B4GALT3: variants seen among roughly 807,000 people sequenced by gnomAD.
B4GALT3 encodes the protein N-acetyllactosamine synthase.
B4GALT3 carries 29 observed loss-of-function variants against 40.7 expected under a neutral mutation model. The observed-to-expected ratio is 0.71, with a 90% CI of 0.53 to 0.97. B4GALT3 has a LOEUF of 0.97. Among genes scored for constraint, B4GALT3 ranks in the 50% least tolerant of loss-of-function variants. The pLI, the probability that B4GALT3 is intolerant of heterozygous loss-of-function variation, is 0.00. For synonymous variants in B4GALT3, 182 were observed against 203.9 expected (o/e 0.89, Z 0.92); for missense variants, 390 against 522.3 (o/e 0.75, Z 2.47).
intron 1 of B4GALT3, chr1:161,176,995 G>A: frequency 3.3e-6 from 5 of 1,536,088 alleles, no homozygotes; most frequent in Non-Finnish European, 4.4e-6. Flanking sequence ...GTGACCACCT[G>A]GGGGCTGTAA....
Position 161,175,079 on chromosome 1 carries a change from C to T in B4GALT3, c.403G>A (p.Glu135Lys). The T allele has an allele frequency of 6.2e-7, 1 of 1,614,016 alleles. No individual in the cohort carries two copies. The highest frequency in any genetic ancestry group is 1.3e-5 in the African/African-American group (1 of 75,016). The change falls in exon 4 of 8, where the codon GAG becomes AAG. Residue 135 changes from glutamate (E) to lysine (K), a missense_variant. Physicochemically the swap from Glu to Lys is moderately conservative, Grantham distance 56. This residue lies in a region of B4GALT3 where 183 missense variants were observed against 223.2 expected (regional missense o/e 0.82). Coordinates refer to ENST00000319769, the MANE Select transcript of B4GALT3 (RefSeq NM_003779.4). ...TAIIVPHRAR[E>K]HHLRLLLYHL... The stretch of plus-strand genomic sequence containing the variant: ...TAGAGCAGCAGGCGCAGGTGGTGCT[C>T]CCGGGCACGATGAGGCACAATGATG...
intron 6 of B4GALT3, among the ~76,000 whole-genome samples, chr1:161,172,637 G>A (rs1173177257): frequency 1.3e-5 from 2 of 152,132 alleles, no homozygotes; most frequent in African/African-American, 4.8e-5. Context: ...GCAGAGAGAG[G>A]CCATTCTGTC....
chr1:161,176,651 T>TC, intron 1 of B4GALT3, 72 bp from the exon 2 acceptor site: 1 of 589,290 alleles, frequency 1.7e-6, no homozygotes, highest in Non-Finnish European at 3.0e-6. Flanking sequence ...GAAGCTGGTT[T>TC]CCCAGCAGGC....
chr1:161,176,125 G>GC, intron 2 of B4GALT3, 51 bp from the exon 3 acceptor site: 1 of 1,590,268 alleles, frequency 6.3e-7, no homozygotes, highest in South Asian at 1.1e-5. Context: ...GAGCAAGCCA[G>GC]CAGAGAGGTC....
chr1:161,173,721 C>A lies in B4GALT3; in HGVS notation c.687G>T (p.Pro229=). 6.2e-7 allele frequency: 1 copy of A among 1,614,086 alleles called. No individual in the cohort carries two copies. Among genetic ancestry groups the A allele is most frequent in the South Asian group, 1.1e-5 (1 of 91,080 alleles). The stretch of plus-strand genomic sequence containing the variant: ...AGACTCCTCCGAAGTACTGGGGGTA[C>A]GGGAGGCTAGGGAGAGAAAGATCCT... ...VAMNKFGYSL[P]YPQYFGGVSA... is the part of the protein sequence containing the mutation. Residue 229 remains proline, a synonymous_variant, in exon 6 of 8, where the codon CCG becomes CCT. Coordinates refer to ENST00000319769, the MANE Select transcript of B4GALT3 (RefSeq NM_003779.4).
rs112783273 is a variant in B4GALT3 at position 161,176,952 on chromosome 1, T to C, written c.-160-373A>G. On this transcript the variant is annotated intron_variant, in intron 1 of 7. Transcript: ENST00000319769. ...AAACAGGCTCCTTCTATTCTTCATG[T>C]GCCTGGGTGCCAACTCCTCAGGTGC... The C allele has an allele frequency of 3.3e-3, 5,069 of 1,536,122 alleles. 117 individuals carry two copies. The African/African-American group carries it at 0.056, about 17-fold the overall frequency.
intron 6 of B4GALT3, among the ~76,000 whole-genome samples, chr1:161,172,778 A>G (rs140312917): frequency 6.6e-6 from 1 of 151,958 alleles, no homozygotes; most frequent in Non-Finnish European, 1.5e-5. Flanking sequence ...CTGCAATCCT[A>G]GCACTTTTGG....
intron 7 of B4GALT3, 58 bp from the exon 8 acceptor site, chr1:161,172,147 C>A: frequency 6.2e-7 from 1 of 1,611,896 alleles, no homozygotes; most frequent in Non-Finnish European, 8.5e-7. Context: ...AATCTAGGGA[C>A]CTTTAGGATT....
chr1:161,174,694 T>C (rs1004236529), intron 4 of B4GALT3, among the ~76,000 whole-genome samples: 1 of 152,220 alleles, frequency 6.6e-6, no homozygotes, highest in African/African-American at 2.4e-5. Flanking sequence ...GAGTCATACA[T>C]GTAACAAGTG....
chr1:161,176,179 G>A, intron 2 of B4GALT3, 105 bp from the exon 3 acceptor site: 3 of 1,300,610 alleles, frequency 2.3e-6, no homozygotes, highest in East Asian at 2.4e-5. Flanking sequence ...AGAGGAAAAA[G>A]CAGAAAACAA....
chr1:161,177,286 GC>G (rs1663983131), intron 1 of B4GALT3, 136 bp downstream of exon 1: 5 of 576,754 alleles, frequency 8.7e-6, no homozygotes, highest in South Asian at 6.3e-5. Context: ...AGCCCGCCCG[GC>G]CCCCGTCCAT....
chr1:161,177,935 G>A (rs1191216544), upstream of B4GALT3: 1 of 152,204 alleles, frequency 6.6e-6, no homozygotes. Flanking sequence ...GACCGCTCTA[G>A]CGCATTTTTG....
Position 161,173,532 on chromosome 1 carries a change from A to G in B4GALT3, c.803+73T>C, listed in dbSNP as rs1439313623. 17 of 1,604,140 alleles carry G rather than the reference A, an allele frequency of 1.1e-5. 1 individual carries two copies. Among genetic ancestry groups the G allele is most frequent in the Admixed American group, 6.7e-5 (4 of 59,890 alleles). On this transcript the variant is annotated intron_variant, in intron 6 of 7. Transcript: ENST00000319769. The stretch of plus-strand genomic sequence containing the variant: ...AGCTAAAGGTTAGTGTTGAAGGGCT[A>G]TGGTCAAAGGTGGTCTTAGAGGACA...
intron 3 of B4GALT3, 83 bp downstream of exon 3, chr1:161,175,725 C>T: frequency 6.4e-7 from 1 of 1,555,906 alleles, no homozygotes; most frequent in Non-Finnish European, 8.7e-7. Flanking sequence ...TCCACTTCTG[C>T]CACTCCATGC....
Position 161,175,801 on chromosome 1 carries a change from C to T in B4GALT3, c.253+7G>A. Reference sequence around the variant, plus strand: ...TCCTTTCACCACCTCCTTCCTCCTGCACTTACCTAAGAGAGGAGATCGTTC... The same window carrying T: ...TCCTTTCACCACCTCCTTCCTCCTGTACTTACCTAAGAGAGGAGATCGTTC... On this transcript the variant is annotated splice_region_variant and intron_variant, in intron 3 of 7. Transcript: ENST00000319769. The T allele has an allele frequency of 6.2e-7, 1 of 1,613,628 alleles. No individual in the cohort carries two copies. Among genetic ancestry groups the T allele is most frequent in the Non-Finnish European group, 8.5e-7 (1 of 1,179,638 alleles).
intron 1 of B4GALT3, 111 bp downstream of exon 1, chr1:161,177,312 C>G (rs1663997706): frequency 1.8e-6 from 1 of 548,688 alleles, no homozygotes; most frequent in South Asian, 2.2e-5. Context: ...CCACCTAGGA[C>G]CCCGTCCCTG....
Position 161,175,033 on chromosome 1 carries a change from T to C in B4GALT3, c.449A>G (p.Gln150Arg), listed in dbSNP as rs774353725. The C allele has an allele frequency of 8.1e-6, 13 of 1,613,672 alleles. No homozygotes were observed. The highest frequency in any genetic ancestry group is 1.0e-5 in the Non-Finnish European group (12 of 1,179,872). ...GATGCCATAAGCAAGCTGCTGGCGC[T>C]GCAAGAAGGGGTGCAGGTGGTAGAG... ...LLLYHLHPFLQRQQLAYGIYV... is the reference protein window; with the variant it reads ...LLLYHLHPFLRRQQLAYGIYV... Residue 150 changes from glutamine (Q) to arginine (R), a missense_variant, in exon 4 of 8, where the codon CAG (glutamine) becomes CGG (arginine). By Grantham distance (43) the Gln-to-Arg change is conservative. Coordinates refer to ENST00000319769, the MANE Select transcript of B4GALT3 (RefSeq NM_003779.4).
At chr1:161,177,092 G>A (rs2101989016) in intron 1 of B4GALT3, 1 of 1,531,778 alleles carries the variant, frequency 6.5e-7, no homozygotes, top group Non-Finnish European at 8.7e-7. Context: ...GCGGGGGTGG[G>A]GAGGAGGGTT....
chr1:161,177,138 A>C, intron 1 of B4GALT3: 1 of 1,461,586 alleles, frequency 6.8e-7, no homozygotes, highest in South Asian at 1.2e-5. Flanking sequence ...GAGCAGGGGC[A>C]GAGACAGTCA....
Sources: gnomAD v4.1 joint callset for allele counts (sites outside exome capture counted in the v4.1 genomes callset) on GRCh38, gnomAD v4.1.1 for gene constraint, gnomAD v4.1.1 regional missense constraint, MANE v1.5 for transcripts, NCBI Gene and HGNC (gene_info 2026-07-23, HGNC 2026-07-21) for gene names.